The following TTC28 variants were observed in gnomAD, a reference collection of about 807,000 sequenced individuals.
TTC28 encodes the protein tetratricopeptide repeat domain 28.
TTC28 carries 61 observed loss-of-function variants against 198.0 expected under a neutral mutation model. That is an observed-to-expected ratio of 0.31 (90% CI 0.25 to 0.38). The LOEUF (loss-of-function observed/expected upper bound fraction) is 0.38, where lower values mean the gene tolerates loss of function less well. Among genes scored for constraint, TTC28 ranks in the 10% least tolerant of loss-of-function variants. The pLI, the probability that TTC28 is intolerant of heterozygous loss-of-function variation, is 1.00. For missense variants in TTC28, 2,678 were observed against 3,164.0 expected, an observed-to-expected ratio of 0.85 and a Z score of 3.69; for synonymous variants, 1,171 against 1,297.8, an observed-to-expected ratio of 0.90 and a Z score of 2.10.
intron 2 of TTC28, among the ~76,000 whole-genome samples, chr22:28,476,024 A>G (rs1054313123): frequency 3.3e-5 from 5 of 152,206 alleles, no homozygotes; most frequent in Non-Finnish European, 7.3e-5. Context: ...TTTAAACAGT[A>G]TAATCTTTTA....
intron 2 of TTC28, among the ~76,000 whole-genome samples, chr22:28,549,974 T>G (rs1235367076): frequency 6.6e-6 from 1 of 152,224 alleles, no homozygotes; most frequent in East Asian, 1.9e-4. Context: ...TCAAATAAGA[T>G]CTGTACTTTA....
At chr22:28,136,339 G>A (rs561411449) in intron 6 of TTC28, among the ~76,000 whole-genome samples, 15 of 152,134 alleles carry the variant, frequency 9.9e-5, no homozygotes, top group African/African-American at 3.6e-4. Context: ...TAGAGATGAG[G>A]TCTCATTATG....
At chr22:28,036,772 C>A (rs924129775) in intron 12 of TTC28, among the ~76,000 whole-genome samples, 1 of 151,900 alleles carries the variant, frequency 6.6e-6, no homozygotes, top group Non-Finnish European at 1.5e-5. Context: ...AGACCGCTAG[C>A]AAGACTAATA....
At chr22:28,470,654 C>T (rs1000910076) in intron 2 of TTC28, among the ~76,000 whole-genome samples, 7 of 152,044 alleles carry the variant, frequency 4.6e-5, no homozygotes, top group Non-Finnish European at 2.9e-5. Flanking sequence ...AATCAGCATG[C>T]GTTTTTTGAC....
intron 2 of TTC28, among the ~76,000 whole-genome samples, chr22:28,383,497 T>C (rs965134567): frequency 1.3e-5 from 2 of 152,202 alleles, no homozygotes; most frequent in Non-Finnish European, 2.9e-5. Flanking sequence ...GGATATCTAA[T>C]AAACATCAAA....
chr22:27,992,426 G>T, intron 19 of TTC28, 161 bp downstream of exon 19: 2 of 721,078 alleles, frequency 2.8e-6, no homozygotes, highest in Non-Finnish European at 4.5e-6. Flanking sequence ...CACTTGCCAG[G>T]CAGGGCTATT....
intron 2 of TTC28, among the ~76,000 whole-genome samples, chr22:28,500,198 C>T (rs1325909055): frequency 6.6e-6 from 1 of 152,090 alleles, no homozygotes; most frequent in East Asian, 1.9e-4. Context: ...TCCTCCTACC[C>T]CAAGCTCCTG....
In TTC28 at chr22:28,331,534, T is replaced by C. The variant is rs1357336694; in HGVS notation, c.382-24891A>G. Among the ~76,000 whole-genome samples the C allele has an allele frequency of 2.0e-5, 3 of 152,110 alleles. No homozygotes were observed. In the East Asian group the frequency reaches 5.8e-4, roughly 29 times the overall value. ...CAAAGTCAGGGTCATCTTTTATCCATATGTATATACATATAGCCTAATACA... is the reference window on the plus strand; with the variant it reads ...CAAAGTCAGGGTCATCTTTTATCCACATGTATATACATATAGCCTAATACA... On this transcript the variant is annotated intron_variant, in intron 2 of 22. Transcript: ENST00000397906.
intron 2 of TTC28, among the ~76,000 whole-genome samples, chr22:28,528,486 T>C (rs1266227075): frequency 6.6e-6 from 1 of 151,572 alleles, no homozygotes; most frequent in Non-Finnish European, 1.5e-5. Flanking sequence ...TCCCAGAACT[T>C]TGGGAGGCCA....
intron 2 of TTC28, among the ~76,000 whole-genome samples, chr22:28,579,974 C>T (rs1364638055): frequency 6.7e-6 from 1 of 149,794 alleles, no homozygotes; most frequent in Non-Finnish European, 1.5e-5. Context: ...TGTCTCAAAA[C>T]AAAAAAAAAT....
At chr22:28,349,474 T>A (rs2045960087) in intron 2 of TTC28, among the ~76,000 whole-genome samples, 1 of 152,186 alleles carries the variant, frequency 6.6e-6, no homozygotes, top group African/African-American at 2.4e-5. Flanking sequence ...TCCATCTGCC[T>A]GAATGGTACT....
chr22:28,254,195 G>C (rs1930725170), intron 5 of TTC28, among the ~76,000 whole-genome samples: 1 of 151,970 alleles, frequency 6.6e-6, no homozygotes, highest in Non-Finnish European at 1.5e-5. Context: ...GTACCTAAAT[G>C]CATGTGTCCA....
intron 2 of TTC28, among the ~76,000 whole-genome samples, chr22:28,534,363 A>G (rs2049216052): frequency 1.3e-5 from 2 of 152,218 alleles, no homozygotes; most frequent in South Asian, 4.1e-4. Context: ...CCACAATGAG[A>G]TACCATCTCA....
intron 2 of TTC28, among the ~76,000 whole-genome samples, chr22:28,557,519 T>C (rs2049804683): frequency 6.6e-6 from 1 of 152,256 alleles, no homozygotes; most frequent in African/African-American, 2.4e-5. Context: ...CATTTTCAAA[T>C]CTTCTTGGTC....
chr22:28,307,027 A>C (rs1421434385), intron 2 of TTC28, among the ~76,000 whole-genome samples: 1 of 152,216 alleles, frequency 6.6e-6, no homozygotes, highest in Non-Finnish European at 1.5e-5. Flanking sequence ...TACAGTGCAA[A>C]AATAAATGAG....
intron 15 of TTC28, 181 bp downstream of exon 15, chr22:28,001,193 C>T (rs1022505139): frequency 1.6e-5 from 11 of 707,736 alleles, no homozygotes; most frequent in South Asian, 6.9e-5. Context: ...TCATGAGGGC[C>T]GTGCCCCACT....
intron 2 of TTC28, among the ~76,000 whole-genome samples, chr22:28,471,987 C>T (rs987706140): frequency 1.3e-5 from 2 of 152,198 alleles, no homozygotes; most frequent in Non-Finnish European, 2.9e-5. Context: ...GAATCTTCAA[C>T]ATTTAATAAA....
At position 28,296,259 on chromosome 22, in the gene TTC28, C is replaced by A; in HGVS notation, c.872G>T (p.Arg291Leu). The A allele has an allele frequency of 6.4e-7, 1 of 1,550,744 alleles. No homozygotes were observed. Among genetic ancestry groups the A allele is most frequent in the South Asian group, 1.2e-5 (1 of 83,944 alleles). ...GSAFFSKGNY[R>L]EALTNHRHQL... is the part of the protein sequence containing the mutation. Reference sequence around the variant, plus strand: ...ATGCCTGTGGTTAGTGAGAGCCTCCCGGTAATTTCCTTTGGAGAAGAATGC... The same window carrying A: ...ATGCCTGTGGTTAGTGAGAGCCTCCAGGTAATTTCCTTTGGAGAAGAATGC... Residue 291 changes from arginine to leucine, a missense_variant, in exon 5 of 23, where the codon CGG becomes CTG. Physicochemically the swap from Arg to Leu is moderately radical, Grantham distance 102. This residue lies in a region of TTC28 where 775 missense variants were observed against 845.9 expected (regional missense o/e 0.92). Transcript: ENST00000397906.
chr22:28,244,652 A>G lies in TTC28; in HGVS notation c.933+51546T>C, dbSNP rs140648761. ...CTGTATTTTCTCTTCCTCGAGTACT[A>G]AACGGCTGCTCTGAATTCTCAGCAC... On this transcript the variant is annotated intron_variant, in intron 5 of 22. Transcript: ENST00000397906. Among the ~76,000 whole-genome samples the G allele has an allele frequency of 2.6e-5, 4 of 152,348 alleles. No homozygotes were observed. In the East Asian group the frequency reaches 5.8e-4, roughly 22 times the overall value.
Sources: gnomAD v4.1 joint callset for allele counts (sites outside exome capture counted in the v4.1 genomes callset) on GRCh38, gnomAD v4.1.1 for gene constraint, gnomAD v4.1.1 regional missense constraint, MANE v1.5 for transcripts, NCBI Gene and HGNC (gene_info 2026-07-23, HGNC 2026-07-21) for gene names.